The following SRRM4 variants were observed in gnomAD, a reference collection of about 807,000 sequenced individuals.
The protein encoded by SRRM4 is serine/arginine repetitive matrix protein 4.
SRRM4 carries 33 observed loss-of-function variants against 68.9 expected under a neutral mutation model. That is an observed-to-expected ratio of 0.48 (90% CI 0.36 to 0.64). The LOEUF (loss-of-function observed/expected upper bound fraction) is 0.64. Ranked by LOEUF, SRRM4 falls within the 30% of genes least tolerant of loss-of-function variation. SRRM4 has a pLI of 0.00. For synonymous variants in SRRM4, 318 were observed against 318.8 expected, an observed-to-expected ratio of 1.00 and a Z score of 0.03; for missense variants, 817 against 827.1, an observed-to-expected ratio of 0.99 and a Z score of 0.15.
intron 1 of SRRM4, among the ~76,000 whole-genome samples, chr12:119,042,801 G>C (rs1953677959): frequency 6.6e-6 from 1 of 152,060 alleles, no homozygotes; most frequent in Non-Finnish European, 1.5e-5. Context: ...CCAGAGATGG[G>C]GGCATGTGAT....
intron 1 of SRRM4, among the ~76,000 whole-genome samples, chr12:119,081,364 TAAGG>T (rs1176759322): frequency 6.6e-6 from 1 of 152,030 alleles, no homozygotes; most frequent in Non-Finnish European, 1.5e-5. Context: ...TTGAAGAAAG[TAAGG>T]AAGTTGTAGC....
At chr12:119,026,807 G>A (rs1953551799) in intron 1 of SRRM4, among the ~76,000 whole-genome samples, 2 of 152,038 alleles carry the variant, frequency 1.3e-5, no homozygotes, top group Admixed American at 6.6e-5. Context: ...AAAGTGCTGG[G>A]ATTACAGGCA....
chr12:119,141,639 T>A (rs1270583863), intron 8 of SRRM4, among the ~76,000 whole-genome samples: 1 of 152,124 alleles, frequency 6.6e-6, no homozygotes, highest in African/African-American at 2.4e-5. Context: ...CACAGAGGCT[T>A]TCAAAGGACC....
chr12:119,130,830 G>T lies in SRRM4; in HGVS notation c.767G>T (p.Gly256Val), dbSNP rs570331744. 16 of 1,603,096 alleles carry T rather than the reference G, an allele frequency of 1.0e-5. No individual in the cohort carries two copies. In the South Asian group the frequency reaches 1.4e-4, roughly 14 times the overall value. ...ATGCTTGGCTACCTGTCAGCCAGGG[G>T]TGTAGTAAGTATTCTTCACAGCCTC... The part of the protein sequence containing the change: ...LQMLGYLSAR[G>V]VITGSGSAAD... The change falls in exon 8 of 13, where the codon GGT becomes GTT. Residue 256 changes from glycine (G) to valine (V), a missense_variant. Coordinates refer to ENST00000267260, the MANE Select transcript of SRRM4 (RefSeq NM_194286.4).
At chr12:119,061,949 AGTCATGC>A (rs1236926836) in intron 1 of SRRM4, among the ~76,000 whole-genome samples, 2 of 152,320 alleles carry the variant, frequency 1.3e-5, no homozygotes, top group East Asian at 1.9e-4. Context: ...ATAGATATGC[AGTCATGC>A]GTCACTTATA....
In SRRM4 at chr12:119,151,048, G is replaced by C; in HGVS notation, c.1108G>C (p.Glu370Gln). 1 of 1,613,968 alleles carries C rather than the reference G, an allele frequency of 6.2e-7. No homozygotes were observed. Among genetic ancestry groups the C allele is most frequent in the Non-Finnish European group, 8.5e-7 (1 of 1,179,884 alleles). ...GFQSPCLECA[E>Q]VKKSSLVPST... ...TCAGTCACCGTGTCTGGAATGTGCC[G>C]AAGTGAAGAAGTCCAGTTTGGTCCC... Residue 370 changes from glutamate to glutamine, a missense_variant, in exon 10 of 13, where the codon GAA becomes CAA. Coordinates refer to ENST00000267260, the MANE Select transcript of SRRM4 (RefSeq NM_194286.4).
intron 9 of SRRM4, among the ~76,000 whole-genome samples, chr12:119,147,576 A>G (rs1213753702): frequency 1.3e-5 from 2 of 152,226 alleles, no homozygotes; most frequent in East Asian, 3.8e-4. Flanking sequence ...CAAGAAGTAT[A>G]TGGGAGCTCC....
chr12:119,064,559 G>T (rs1015459016), intron 1 of SRRM4, among the ~76,000 whole-genome samples: 31 of 152,268 alleles, frequency 2.0e-4, no homozygotes, highest in Admixed American at 1.7e-3. Context: ...GAACACTTCA[G>T]AAAACTAGCT....
At chr12:119,040,612 G>C (rs1379295216) in intron 1 of SRRM4, among the ~76,000 whole-genome samples, 1 of 152,168 alleles carries the variant, frequency 6.6e-6, no homozygotes, top group East Asian at 1.9e-4. Flanking sequence ...ATTTGGGTTG[G>C]TTCTATGATT....
In SRRM4 at chr12:118,981,787, C is replaced by G. The variant is rs935739172; in HGVS notation, c.-96C>G. The G allele has an allele frequency of 2.1e-6, 3 of 1,443,092 alleles. No homozygotes were observed. Among genetic ancestry groups the G allele is most frequent in the African/African-American group, 2.8e-5 (2 of 70,820 alleles). The allele number at this position is 1,443,092 out of a possible 1,614,324, so 89.4% of individuals were successfully genotyped here. ...ACCCCACCCCTCTCTGGGTTTCACC[C>G]GGACAGAGCCGGGAGCTGGGTGTCG... On this transcript the variant is annotated 5_prime_UTR_variant, in exon 1 of 13. Transcript: ENST00000267260.
chr12:119,074,563 G>C (rs1953897001), intron 1 of SRRM4, among the ~76,000 whole-genome samples: 1 of 152,160 alleles, frequency 6.6e-6, no homozygotes, highest in Non-Finnish European at 1.5e-5. Flanking sequence ...ATATGAAGAG[G>C]AAAAGAGTAG....
rs772201260 is a variant in SRRM4 at position 119,130,668 on chromosome 12, C to T, written c.615-10C>T. ...CAAAAGACCCTCAGGTCTCTCTCCCCCATCCCCAGGCACCGCGGCCGGTCC... is the reference window on the plus strand; with the variant it reads ...CAAAAGACCCTCAGGTCTCTCTCCCTCATCCCCAGGCACCGCGGCCGGTCC... On this transcript the variant is annotated splice_polypyrimidine_tract_variant and intron_variant, in intron 7 of 12. Transcript: ENST00000267260. 5.0e-6 allele frequency: 8 copies of T among 1,607,268 alleles called. No individual in the cohort carries two copies. The highest frequency in any genetic ancestry group is 3.4e-5 in the Admixed American group (2 of 59,512).
chr12:119,055,082 C>G (rs1953768198), intron 1 of SRRM4, among the ~76,000 whole-genome samples: 1 of 152,080 alleles, frequency 6.6e-6, no homozygotes, highest in South Asian at 2.1e-4. Flanking sequence ...GGGGCTTGTC[C>G]CTCAGAGAAG....
rs750028696 is a variant in SRRM4 at position 119,156,589 on chromosome 12, C to T, written c.1627C>T (p.Arg543Cys). The change falls in exon 13 of 13, where the codon CGC (arginine) becomes TGC (cysteine). Residue 543 changes from arginine (R) to cysteine (C), a missense_variant. Arg to Cys is a radical substitution (Grantham distance 180). Transcript: ENST00000267260. ...TSSWYSSSSS[R>C]SASRSYSRSR... ...CTCCTGGTACAGCAGCAGCAGTAGCCGCTCGGCCAGCCGCAGCTACTCCCG... is the reference window on the plus strand; with the variant it reads ...CTCCTGGTACAGCAGCAGCAGTAGCTGCTCGGCCAGCCGCAGCTACTCCCG... The T allele has an allele frequency of 5.6e-6, 9 of 1,610,078 alleles. No homozygotes were observed. The East Asian group carries it at 2.0e-4, about 36-fold the overall frequency.
At position 119,080,747 on chromosome 12, in the gene SRRM4, C is replaced by T. The variant is rs140046217; in HGVS notation, c.132-21489C>T. Among the ~76,000 whole-genome samples the T allele has an allele frequency of 4.8e-4, 73 of 152,322 alleles. No individual in the cohort carries two copies. In the East Asian group the frequency reaches 0.012, roughly 25 times the overall value. On this transcript the variant is annotated intron_variant, in intron 1 of 12. Transcript: ENST00000267260. ...ATTATTTCTCAGCTATCTCTCAGAG[C>T]GAGAGCAGGCAACAGCTTCAAAGCC...
chr12:118,981,881 C>G lies in SRRM4; in HGVS notation c.-2C>G, dbSNP rs377146881. 1.2e-6 allele frequency: 2 copies of G among 1,612,922 alleles called. No individual in the cohort carries two copies. Among genetic ancestry groups the G allele is most frequent in the East Asian group, 4.5e-5 (2 of 44,822 alleles). On this transcript the variant is annotated 5_prime_UTR_variant, in exon 1 of 13. Coordinates refer to ENST00000267260, the MANE Select transcript of SRRM4 (RefSeq NM_194286.4). ...GGACGCCCCGGCCCCTTTGGGTTGG[C>G]GATGGCGAGCGTTCAGCAAGGCGAG...
intron 1 of SRRM4, among the ~76,000 whole-genome samples, chr12:119,015,961 T>C (rs1483366067): frequency 6.6e-6 from 1 of 151,638 alleles, no homozygotes; most frequent in East Asian, 1.9e-4. Flanking sequence ...AACCTTTGAA[T>C]GCGATCTTAT....
intron 1 of SRRM4, among the ~76,000 whole-genome samples, chr12:119,071,602 T>A (rs527374726): frequency 6.6e-6 from 1 of 152,204 alleles, no homozygotes; most frequent in Non-Finnish European, 1.5e-5. Context: ...TCACCCTCCA[T>A]TAAGACACAA....
chr12:118,999,076 A>ACAAT (rs1246292315), intron 1 of SRRM4, among the ~76,000 whole-genome samples: 3 of 152,212 alleles, frequency 2.0e-5, no homozygotes. Context: ...CAAAATGAAG[A>ACAAT]CAATCTTGGT....
Sources: gnomAD v4.1 joint callset for allele counts (sites outside exome capture counted in the v4.1 genomes callset) on GRCh38, gnomAD v4.1.1 for gene constraint, MANE v1.5 for transcripts, NCBI Gene and HGNC (gene_info 2026-07-23, HGNC 2026-07-21) for gene names.